PIM3: variants seen among roughly 807,000 people sequenced by gnomAD.
The protein encoded by PIM3 is Pim-3 proto-oncogene, serine/threonine kinase.
Under a neutral mutation model 27.5 loss-of-function variants are expected in PIM3, and 13 were observed. The observed-to-expected ratio is 0.47, with a 90% CI of 0.31 to 0.75. PIM3 has a LOEUF of 0.75. Among genes scored for constraint, PIM3 ranks in the 30% least tolerant of loss-of-function variants. The probability of loss-of-function intolerance (pLI) is 0.05; values close to 1 mark genes in which losing one functional copy is unlikely to be tolerated. For synonymous variants in PIM3, 341 were observed against 221.1 expected (o/e 1.54, Z -4.81); for missense variants, 482 against 476.9 (o/e 1.01, Z -0.10).
rs2060904130 is a variant in PIM3, at chr22:49,961,129, G to A, written c.90G>A (p.Lys30=). ...CCCGCCCGCGCCTCCCTGCAGCCAA[G>A]GCGGACAAGGAGAGCTTCGAGAAGG... ...HLPVKILQPA[K]ADKESFEKAY... is the part of the protein sequence containing the mutation. The change falls in exon 2 of 6, where the codon AAG becomes AAA. Residue 30 remains lysine (K), a synonymous_variant. Coordinates refer to ENST00000360612, the MANE Select transcript of PIM3 (RefSeq NM_001001852.4). The A allele has an allele frequency of 3.3e-6, 5 of 1,497,440 alleles. No individual in the cohort carries two copies. In the African/African-American group the frequency reaches 5.8e-5, roughly 17 times the overall value. The allele number at this position is 1,497,440 out of a possible 1,614,324, so 92.8% of individuals were successfully genotyped here. A position where few individuals can be genotyped will look rare whatever the true frequency, so the allele number is the denominator to read the frequency against.
intron 4 of PIM3, among the ~76,000 whole-genome samples, chr22:49,962,154 G>A (rs2060910922): frequency 6.6e-6 from 1 of 152,084 alleles, no homozygotes; most frequent in East Asian, 1.9e-4. Context: ...GCGTGACGCA[G>A]GGCGCAGCCG....
Position 49,960,850 on chromosome 22 carries a change from C to A in PIM3, c.-98C>A. ...GCCCACTGCGCCGCGCGGACCGCCT[C>A]GGGCTCGGACGGCCGGTGTCCCCGG... On this transcript the variant is annotated 5_prime_UTR_variant, in exon 1 of 6. Transcript: ENST00000360612. 3.2e-6 allele frequency: 3 copies of A among 923,958 alleles called. No homozygotes were observed. Among genetic ancestry groups the A allele is most frequent in the Non-Finnish European group, 4.0e-6 (3 of 750,618 alleles). 57.2% of individuals were successfully genotyped at this position (923,958 alleles called of 1,614,324 possible). A position where few individuals can be genotyped will look rare whatever the true frequency, so the allele number is the denominator to read the frequency against.
intron 4 of PIM3, among the ~76,000 whole-genome samples, chr22:49,962,317 C>T (rs1156606041): frequency 2.0e-5 from 3 of 148,590 alleles, no homozygotes; most frequent in African/African-American, 4.9e-5. Flanking sequence ...GCCGGGGCTC[C>T]CCGCCCGCCC....
chr22:49,962,163 C>A (rs979224535), intron 4 of PIM3, among the ~76,000 whole-genome samples: 1 of 151,960 alleles, frequency 6.6e-6, no homozygotes, highest in Non-Finnish European at 1.5e-5. Flanking sequence ...AGGGCGCAGC[C>A]GGGCTGGGTC....
chr22:49,963,191 A>C lies in PIM3; in HGVS notation c.*64A>C. 6.9e-7 allele frequency: 1 copy of C among 1,448,744 alleles called. No homozygotes were observed. The highest frequency in any genetic ancestry group is 1.4e-5 in the South Asian group (1 of 69,676). 89.7% of individuals were successfully genotyped at this position (1,448,744 alleles called of 1,614,324 possible). A position where few individuals can be genotyped will look rare whatever the true frequency, so the allele number is the denominator to read the frequency against. ...TTGGCCAGACCTGGGACGCCCCCAG[A>C]CCCTGACTTTCTCCTGCGTGGGCCG... On this transcript the variant is annotated 3_prime_UTR_variant, in exon 6 of 6. Transcript: ENST00000360612.
intron 5 of PIM3, 21 bp downstream of exon 5, chr22:49,962,886 G>T: frequency 6.2e-7 from 1 of 1,602,326 alleles, no homozygotes; most frequent in Non-Finnish European, 8.5e-7. Flanking sequence ...GCTCGAGGCG[G>T]GGGTGGGGGC....
Position 49,962,962 on chromosome 22 carries a change from G to C in PIM3, c.816G>C (p.Trp272Cys). ...CAGAGTGCCAGCAGCTGATCCGGTG[G>C]TGCCTGTCCCTGCGGCCCTCAGAGC... The part of the protein sequence containing the change: ...VSPECQQLIR[W>C]CLSLRPSERP... Residue 272 changes from tryptophan to cysteine, a missense_variant, in exon 6 of 6, where the codon TGG becomes TGC. Transcript: ENST00000360612. 6.2e-7 allele frequency: 1 copy of C among 1,608,020 alleles called. No homozygotes were observed. The highest frequency in any genetic ancestry group is 8.5e-7 in the Non-Finnish European group (1 of 1,179,366).
Position 49,960,997 on chromosome 22 carries a change from G to C in PIM3, c.50G>C (p.Gly17Ala). The C allele has an allele frequency of 1.1e-5, 16 of 1,395,430 alleles. No individual in the cohort carries two copies. The highest frequency in any genetic ancestry group is 1.5e-5 in the Non-Finnish European group (16 of 1,065,478). The allele number at this position is 1,395,430 out of a possible 1,614,324, so 86.4% of individuals were successfully genotyped here. ...GSLAHLCGPG[G>A]VDHLPVKILQ... ...CTGGCGCACCTCTGCGGGCCCGGCG[G>C]CGTGGACCACCTCCCGGTGAAGATC... is the stretch of plus-strand genomic sequence containing the variant. Residue 17 changes from glycine (G) to alanine (A), a missense_variant, in exon 1 of 6, where the codon GGC becomes GCC. By Grantham distance (60) the Gly-to-Ala change is moderately conservative. Coordinates refer to ENST00000360612, the MANE Select transcript of PIM3 (RefSeq NM_001001852.4).
Position 49,960,920 on chromosome 22 carries a change from C to A in PIM3, c.-28C>A. 2 of 1,257,936 alleles carry A rather than the reference C, an allele frequency of 1.6e-6. No homozygotes were observed. The highest frequency in any genetic ancestry group is 2.1e-5 in the South Asian group (1 of 47,440). 77.9% of individuals were successfully genotyped at this position (1,257,936 alleles called of 1,614,324 possible). A position where few individuals can be genotyped will look rare whatever the true frequency, so the allele number is the denominator to read the frequency against. ...GGCCGCGGCTTCGGCGCCTGGGGCT[C>A]GGGGCTCCGGGGAGGCCGTCGCCCG... On this transcript the variant is annotated 5_prime_UTR_variant, in exon 1 of 6. Coordinates refer to ENST00000360612, the MANE Select transcript of PIM3 (RefSeq NM_001001852.4).
intron 4 of PIM3, 34 bp downstream of exon 4, chr22:49,961,845 G>A (rs763356836): frequency 1.2e-6 from 2 of 1,606,250 alleles, no homozygotes; most frequent in Admixed American, 1.7e-5. Flanking sequence ...AACGTTCCGG[G>A]GGCCTTGCCG....
In PIM3 at chr22:49,963,155, G is replaced by A. The variant is rs763466573; in HGVS notation, c.*28G>A. ...AGCTGCACCTGACTGGGAGCTAGGG[G>A]ACCACCTGCCTTGGCCAGACCTGGG... On this transcript the variant is annotated 3_prime_UTR_variant, in exon 6 of 6. Transcript: ENST00000360612. 7.8e-6 allele frequency: 12 copies of A among 1,545,838 alleles called. No individual in the cohort carries two copies. The East Asian group carries it at 9.6e-5, about 12-fold the overall frequency.
rs1356143860 is a variant in PIM3 at position 49,962,699 on chromosome 22, G to A, written c.627G>A (p.Val209=). 3.1e-6 allele frequency: 5 copies of A among 1,610,904 alleles called. No individual in the cohort carries two copies. Among genetic ancestry groups the A allele is most frequent in the Non-Finnish European group, 4.2e-6 (5 of 1,179,162 alleles). The stretch of plus-strand genomic sequence containing the variant: ...CCTGTGTCCCCTTAGGCACCCGAGT[G>A]TACAGCCCCCCGGAGTGGATCCGCT... ...TVYTDFDGTR[V]YSPPEWIRYH... The change falls in exon 5 of 6, where the codon GTG becomes GTA. Residue 209 remains valine (V), a synonymous_variant. Coordinates refer to ENST00000360612, the MANE Select transcript of PIM3 (RefSeq NM_001001852.4).
Position 49,960,986 on chromosome 22 carries a change from C to T in PIM3, c.39C>T (p.Cys13=). The T allele has an allele frequency of 2.2e-6, 3 of 1,393,166 alleles. No individual in the cohort carries two copies. Among genetic ancestry groups the T allele is most frequent in the Non-Finnish European group, 1.9e-6 (2 of 1,064,588 alleles). The allele number at this position is 1,393,166 out of a possible 1,614,324, so 86.3% of individuals were successfully genotyped here. A position where few individuals can be genotyped will look rare whatever the true frequency, so the allele number is the denominator to read the frequency against. Residue 13 remains cysteine, a synonymous_variant, in exon 1 of 6, where the codon TGC becomes TGT. Coordinates refer to ENST00000360612, the MANE Select transcript of PIM3 (RefSeq NM_001001852.4). ...AGTTCGGCTCCCTGGCGCACCTCTG[C>T]GGGCCCGGCGGCGTGGACCACCTCC... The part of the protein sequence containing the change: ...LSKFGSLAHL[C]GPGGVDHLPV...
chr22:49,962,412 C>T (rs376107338), intron 4 of PIM3, among the ~76,000 whole-genome samples: 4 of 150,650 alleles, frequency 2.7e-5, no homozygotes, highest in African/African-American at 7.3e-5. Flanking sequence ...GTCCCCCCCC[C>T]ACCCAGGTAG....
In PIM3 at chr22:49,963,546, C is replaced by G. The variant is rs2060920732; in HGVS notation, c.*419C>G. 6.2e-6 allele frequency: 1 copy of G among 162,016 alleles called. No individual in the cohort carries two copies. Among genetic ancestry groups the G allele is most frequent in the South Asian group, 1.7e-4 (1 of 6,040 alleles). 10.0% of individuals were successfully genotyped at this position (162,016 alleles called of 1,614,324 possible). A position where few individuals can be genotyped will look rare whatever the true frequency, so the allele number is the denominator to read the frequency against. On this transcript the variant is annotated 3_prime_UTR_variant, in exon 6 of 6. Transcript: ENST00000360612. ...AAGTCCTGGCCTCCGCGCCCGCCCG[C>G]CCACGCGAGCCGTACCCGCCGCCAA... is the stretch of plus-strand genomic sequence containing the variant.
Position 49,961,138 on chromosome 22 carries a change from G to C in PIM3, c.99G>C (p.Lys33Asn). 2 of 1,513,090 alleles carry C rather than the reference G, an allele frequency of 1.3e-6. No individual in the cohort carries two copies. Among genetic ancestry groups the C allele is most frequent in the South Asian group, 1.2e-5 (1 of 80,440 alleles). The allele number at this position is 1,513,090 out of a possible 1,614,324, so 93.7% of individuals were successfully genotyped here. A position where few individuals can be genotyped will look rare whatever the true frequency, so the allele number is the denominator to read the frequency against. The change falls in exon 2 of 6, where the codon AAG becomes AAC. Residue 33 changes from lysine to asparagine, a missense_variant. Physicochemically the swap from Lys to Asn is moderately conservative, Grantham distance 94. Transcript: ENST00000360612. ...GCCTCCCTGCAGCCAAGGCGGACAA[G>C]GAGAGCTTCGAGAAGGCGTACCAGG... ...VKILQPAKAD[K>N]ESFEKAYQVG...
In PIM3 at chr22:49,961,568, C is replaced by T. The variant is rs1317694528; in HGVS notation, c.373C>T (p.Arg125Trp). The change falls in exon 4 of 6, where the codon CGG becomes TGG. Residue 125 changes from arginine to tryptophan, a missense_variant. Transcript: ENST00000360612. ...RPDGFLLVLERPEPAQDLFDF... is the reference protein window; with the variant it reads ...RPDGFLLVLEWPEPAQDLFDF... ...CGACGGCTTCCTGCTGGTGCTGGAG[C>T]GGCCCGAGCCGGCGCAGGACCTCTT... The T allele has an allele frequency of 1.3e-6, 2 of 1,546,138 alleles. No individual in the cohort carries two copies. The highest frequency in any genetic ancestry group is 2.4e-5 in the East Asian group (1 of 40,840).
rs1359761664 is a variant in PIM3, at chr22:49,961,573, C to G, written c.378C>G (p.Pro126=). The change falls in exon 4 of 6, where the codon CCC becomes CCG. Residue 126 remains proline, a synonymous_variant. Transcript: ENST00000360612. ...PDGFLLVLER[P]EPAQDLFDFI... is the part of the protein sequence containing the mutation. Reference sequence around the variant, plus strand: ...GCTTCCTGCTGGTGCTGGAGCGGCCCGAGCCGGCGCAGGACCTCTTCGACT... The same window carrying G: ...GCTTCCTGCTGGTGCTGGAGCGGCCGGAGCCGGCGCAGGACCTCTTCGACT... 128 of 1,546,450 alleles carry G rather than the reference C, an allele frequency of 8.3e-5. No homozygotes were observed. The highest frequency in any genetic ancestry group is 1.0e-4 in the Non-Finnish European group (120 of 1,146,540).
chr22:49,960,919 T>C lies in PIM3; in HGVS notation c.-29T>C. On this transcript the variant is annotated 5_prime_UTR_variant, in exon 1 of 6. Coordinates refer to ENST00000360612, the MANE Select transcript of PIM3 (RefSeq NM_001001852.4). ...CGGCCGCGGCTTCGGCGCCTGGGGC[T>C]CGGGGCTCCGGGGAGGCCGTCGCCC... The C allele has an allele frequency of 8.0e-7, 1 of 1,255,620 alleles. No homozygotes were observed. Among genetic ancestry groups the C allele is most frequent in the Non-Finnish European group, 1.0e-6 (1 of 993,712 alleles). The allele number at this position is 1,255,620 out of a possible 1,614,324, so 77.8% of individuals were successfully genotyped here. A position where few individuals can be genotyped will look rare whatever the true frequency, so the allele number is the denominator to read the frequency against.
Sources: allele counts gnomAD v4.1 joint callset (sites outside exome capture counted in the v4.1 genomes callset), GRCh38; gene constraint gnomAD v4.1.1; transcripts MANE v1.5; gene names NCBI Gene and HGNC (gene_info 2026-07-23, HGNC 2026-07-21).